The following AGL variants were observed in gnomAD, a reference collection of about 807,000 sequenced individuals.
AGL encodes the protein amylo-alpha-1,6-glucosidase and 4-alpha-glucanotransferase.
Under a neutral mutation model 199.3 loss-of-function variants are expected in AGL, and 128 were observed. The observed-to-expected ratio is 0.64, with a 90% CI of 0.56 to 0.74. The LOEUF (loss-of-function observed/expected upper bound fraction) is 0.74, where lower values mean the gene tolerates loss of function less well. Ranked by LOEUF, AGL falls within the 30% of genes least tolerant of loss-of-function variation. The pLI is 0.00. For missense variants in AGL, 1,809 were observed against 1,820.8 expected, an observed-to-expected ratio of 0.99 and a Z score of 0.12; for synonymous variants, 584 against 594.7, an observed-to-expected ratio of 0.98 and a Z score of 0.26.
chr1:99,876,479 A>G lies in AGL; in HGVS notation c.1305A>G (p.Glu435=), dbSNP rs766610729. The G allele has an allele frequency of 6.2e-7, 1 of 1,605,968 alleles. No homozygotes were observed. The highest frequency in any genetic ancestry group is 1.7e-5 in the Admixed American group (1 of 59,994). The change falls in exon 11 of 34, where the codon GAA becomes GAG. Residue 435 remains glutamate, a synonymous_variant. Coordinates refer to ENST00000361915, the MANE Select transcript of AGL (RefSeq NM_000642.3). ...ATAGGTATTTTACTTTCCCATTTGA[A>G]GAGATAGACTTCTCCATGGAAGAAT... is the stretch of plus-strand genomic sequence containing the variant. The part of the protein sequence containing the change: ...LVTRYFTFPF[E]EIDFSMEESM...
Position 99,861,712 on chromosome 1 carries a change from G to T in AGL, c.292G>T (p.Gly98Ter). 6.2e-7 allele frequency: 1 copy of T among 1,613,396 alleles called. No individual in the cohort carries two copies. Among genetic ancestry groups the T allele is most frequent in the South Asian group, 1.1e-5 (1 of 90,988 alleles). ...TTCATTTCAGTATTATTTCCTTCAAGGGTAAGTCAGGTGTTTTGTTTGTGA... is the reference window on the plus strand; with the variant it reads ...TTCATTTCAGTATTATTTCCTTCAATGGTAAGTCAGGTGTTTTGTTTGTGA... ...SGSFQYYFLQGNEKSGGGYIV... is the reference protein window; with the variant it reads ...SGSFQYYFLQ The change falls in exon 3 of 34, where the codon GGA (glycine) becomes TGA (stop). Residue 98 changes from glycine (G) to a stop codon, truncating the protein, a stop_gained and splice_region_variant. Transcript: ENST00000361915. LOFTEE classifies it high-confidence loss of function.
At position 99,870,534 on chromosome 1, in the gene AGL, A is replaced by G; in HGVS notation, c.799A>G (p.Lys267Glu). The change falls in exon 6 of 34, where the codon AAA becomes GAA. Residue 267 changes from lysine (K) to glutamate (E), a missense_variant. By Grantham distance (56) the Lys-to-Glu change is moderately conservative (BLOSUM62 1). Transcript: ENST00000361915. ...CTGTGATGTTGCAGAAGGGAAATAC[A>G]AAGAAAAGGGAATACCTGCTTTGAT... The part of the protein sequence containing the change: ...FSCDVAEGKY[K>E]EKGIPALIEN... 4 of 1,614,116 alleles carry G rather than the reference A, an allele frequency of 2.5e-6. No homozygotes were observed. The highest frequency in any genetic ancestry group is 2.5e-6 in the Non-Finnish European group (3 of 1,179,976).
At chr1:99,900,918 T>C (rs907743877) in intron 26 of AGL, 57 bp downstream of exon 26, 1 of 1,394,862 alleles carries the variant, frequency 7.2e-7, no homozygotes, top group Non-Finnish European at 1.0e-6. Flanking sequence ...GAAAAATGAC[T>C]TTTAGTTTCT....
intron 27 of AGL, among the ~76,000 whole-genome samples, chr1:99,909,702 A>G (rs1490849911): frequency 6.6e-6 from 1 of 152,036 alleles, no homozygotes; most frequent in African/African-American, 2.4e-5. Context: ...ACATTCCTCA[A>G]GTCTTGAGGT....
intron 26 of AGL, among the ~76,000 whole-genome samples, 180 bp from the exon 27 acceptor site, chr1:99,902,503 T>C (rs1653920666): frequency 6.6e-6 from 1 of 152,246 alleles, no homozygotes; most frequent in South Asian, 2.1e-4. Context: ...GTTAAATATT[T>C]GTATGCTCGT....
At chr1:99,898,814 G>A (rs1653551441) in intron 25 of AGL, among the ~76,000 whole-genome samples, 1 of 152,076 alleles carries the variant, frequency 6.6e-6, no homozygotes, top group Non-Finnish European at 1.5e-5. Context: ...CTGTAAGATT[G>A]GTTGTGAATT....
At chr1:99,864,699 C>A in intron 5 of AGL, 110 bp downstream of exon 5, 1 of 975,916 alleles carries the variant, frequency 1.0e-6, no homozygotes, top group Non-Finnish European at 1.5e-6. Context: ...AAGGGGCTAA[C>A]ATAAATTTTA....
chr1:99,856,559 GTC>G (rs1649484022), intron 2 of AGL, among the ~76,000 whole-genome samples: 1 of 151,936 alleles, frequency 6.6e-6, no homozygotes, highest in Non-Finnish European at 1.5e-5. Flanking sequence ...GTGAACAGAG[GTC>G]TCTGGTTTTC....
chr1:99,904,406 C>T (rs1404269920), intron 27 of AGL, among the ~76,000 whole-genome samples: 2 of 152,140 alleles, frequency 1.3e-5, no homozygotes, highest in Non-Finnish European at 2.9e-5. Context: ...GAACTCTTCA[C>T]CCAGTACAGC....
intron 12 of AGL, among the ~76,000 whole-genome samples, chr1:99,878,674 T>C (rs1292948007): frequency 1.3e-5 from 2 of 152,120 alleles, no homozygotes; most frequent in Non-Finnish European, 2.9e-5. Context: ...CACTTAGGTG[T>C]TCTTTGGAAA....
At chr1:99,854,763 CAAAAA>C (rs11368135) in intron 2 of AGL, among the ~76,000 whole-genome samples, 1 of 84,178 alleles carries the variant, frequency 1.2e-5, no homozygotes, top group East Asian at 3.5e-4. Context: ...GATGCCGTCT[CAAAAA>C]AAAAAAAAAA....
intron 7 of AGL, among the ~76,000 whole-genome samples, chr1:99,873,855 TTTTG>T (rs1413462931): frequency 3.3e-5 from 5 of 152,216 alleles, no homozygotes; most frequent in Non-Finnish European, 7.3e-5. Flanking sequence ...AAACCCATTA[TTTTG>T]TTTTTTTGTT....
At chr1:99,879,811 G>A (rs1234332618) in intron 12 of AGL, 112 bp from the exon 13 acceptor site, 1 of 821,940 alleles carries the variant, frequency 1.2e-6, no homozygotes, top group African/African-American at 1.7e-5. Context: ...ATATCTTGCT[G>A]CATATTTTTC....
chr1:99,895,117 C>T (rs1273218102), intron 24 of AGL, among the ~76,000 whole-genome samples: 1 of 152,028 alleles, frequency 6.6e-6, no homozygotes, highest in Non-Finnish European at 1.5e-5. Context: ...AGCGTGATCT[C>T]GGCTCACTGC....
chr1:99,888,177 A>G, intron 21 of AGL, 69 bp downstream of exon 21: 1 of 1,588,856 alleles, frequency 6.3e-7, no homozygotes, highest in Non-Finnish European at 8.6e-7. Context: ...TTCTTTACAG[A>G]CATAGATATA....
At chr1:99,870,011 G>A (rs1181137794) in intron 5 of AGL, among the ~76,000 whole-genome samples, 1 of 152,062 alleles carries the variant, frequency 6.6e-6, no homozygotes, top group East Asian at 1.9e-4. Flanking sequence ...TTCTGATTCT[G>A]AACTATAAGC....
intron 2 of AGL, among the ~76,000 whole-genome samples, chr1:99,860,969 C>T (rs899495621): frequency 8.5e-5 from 13 of 152,196 alleles, no homozygotes; most frequent in Admixed American, 2.6e-4. Context: ...CTGTTAGAAT[C>T]CTGAATTCTG....
chr1:99,874,695 C>T lies in AGL; in HGVS notation c.967C>T (p.Arg323Ter), dbSNP rs757987101. Residue 323 changes from arginine (R) to a stop codon, truncating the protein, a stop_gained, in exon 8 of 34, where the codon CGA becomes TGA. Transcript: ENST00000361915. LOFTEE classifies it high-confidence loss of function. ...TCTTTTCTTTCTTTTAGAAAATAGG[C>T]GAGTAACCAAGTCTGATCCAAACCA... ...FRRLLTQENR[R>*]VTKSDPNQHL... is the part of the protein sequence containing the mutation. 3 of 1,589,626 alleles carry T rather than the reference C, an allele frequency of 1.9e-6. No homozygotes were observed. The highest frequency in any genetic ancestry group is 1.7e-5 in the Admixed American group (1 of 59,228).
intron 21 of AGL, among the ~76,000 whole-genome samples, chr1:99,888,444 G>A (rs1652628715): frequency 6.6e-6 from 1 of 152,134 alleles, no homozygotes; most frequent in Non-Finnish European, 1.5e-5. Context: ...CTTAAGGTCT[G>A]TATAGCTCTT....
Sources: gnomAD v4.1 joint callset for allele counts (sites outside exome capture counted in the v4.1 genomes callset) on GRCh38, gnomAD v4.1.1 for gene constraint, MANE v1.5 for transcripts, NCBI Gene and HGNC (gene_info 2026-07-23, HGNC 2026-07-21) for gene names.